Variants in NFIB observed in about 807,000 individuals in gnomAD.
The protein encoded by NFIB is nuclear factor I B, also known as nuclear factor 1 B-type.
NFIB carries 11 observed loss-of-function variants against 61.5 expected under a neutral mutation model. The ratio of observed to expected loss-of-function variants is 0.18; its 90% CI spans 0.11 to 0.30. The LOEUF is 0.30. Ranked by LOEUF, NFIB falls within the 10% of genes least tolerant of loss-of-function variation. The probability of loss-of-function intolerance (pLI) is 1.00; values close to 1 mark genes in which losing one functional copy is unlikely to be tolerated. For missense variants in NFIB, 471 were observed against 608.9 expected, an observed-to-expected ratio of 0.77 and a Z score of 2.38; for synonymous variants, 260 against 216.5, an observed-to-expected ratio of 1.20 and a Z score of -1.76.
chr9:14,510,857 CT>C, the NFIB span, among the ~76,000 whole-genome samples: 1 of 151,992 alleles, frequency 6.6e-6, no homozygotes, highest in African/African-American at 2.4e-5. Context: ...ACTGCAATAC[CT>C]TTTTGAAAAG....
the NFIB span, among the ~76,000 whole-genome samples, chr9:14,456,100 C>T: frequency 1.3e-5 from 2 of 151,956 alleles, no homozygotes; most frequent in South Asian, 2.1e-4. Context: ...GTACTAGATT[C>T]GATCATAATA....
intron 2 of NFIB, among the ~76,000 whole-genome samples, chr9:14,296,189 T>C (rs1303301126): frequency 6.6e-6 from 1 of 152,254 alleles, no homozygotes; most frequent in East Asian, 1.9e-4. Context: ...TCCCTGGCAG[T>C]CTACATTATG....
chr9:14,323,106 C>T (rs992773003), intron 1 of NFIB, among the ~76,000 whole-genome samples: 3 of 152,234 alleles, frequency 2.0e-5, no homozygotes, highest in African/African-American at 4.8e-5. Flanking sequence ...TAGGAGGACT[C>T]CCGAAATGTT....
At chr9:14,371,967 G>C (rs1016253886) in intron 1 of NFIB, among the ~76,000 whole-genome samples, 1 of 152,128 alleles carries the variant, frequency 6.6e-6, no homozygotes, top group Non-Finnish European at 1.5e-5. Context: ...GCTCCAATTG[G>C]TCATGGGGAG....
chr9:14,298,285 T>C (rs1469483350), intron 2 of NFIB, among the ~76,000 whole-genome samples: 1 of 152,204 alleles, frequency 6.6e-6, no homozygotes, highest in Non-Finnish European at 1.5e-5. Context: ...TGTTTTCACA[T>C]CGGTAACCAA....
intron 1 of NFIB, among the ~76,000 whole-genome samples, chr9:14,385,498 C>T (rs1357233116): frequency 1.3e-5 from 2 of 152,138 alleles, no homozygotes; most frequent in African/African-American, 2.4e-5. Flanking sequence ...TTTTCTTATA[C>T]ATCTAAACAT....
At chr9:14,260,952 A>G (rs1412009677) in intron 2 of NFIB, among the ~76,000 whole-genome samples, 1 of 151,538 alleles carries the variant, frequency 6.6e-6, no homozygotes, top group Non-Finnish European at 1.5e-5. Context: ...AATAGCAAGA[A>G]ACCTGTAGGT....
intron 2 of NFIB, among the ~76,000 whole-genome samples, chr9:14,236,112 A>G (rs1046546843): frequency 4.6e-5 from 7 of 152,174 alleles, no homozygotes; most frequent in Non-Finnish European, 1.0e-4. Context: ...CCATTCCTAC[A>G]ACAAAGCCCC....
At chr9:14,445,795 T>C in the NFIB span, among the ~76,000 whole-genome samples, 132 of 152,206 alleles carry the variant, frequency 8.7e-4, no homozygotes, top group Non-Finnish European at 1.6e-3. Context: ...TTGTTTTATA[T>C]ACCCAATACT....
upstream of NFIB, chr9:14,399,010 C>A (rs554540143): frequency 1.9e-4 from 42 of 225,978 alleles, no homozygotes; most frequent in African/African-American, 8.9e-4. Context: ...CAGATGACTA[C>A]TGAGTACTTG....
chr9:14,133,071 G>A (rs2040590586), intron 6 of NFIB, among the ~76,000 whole-genome samples: 1 of 151,878 alleles, frequency 6.6e-6, no homozygotes, highest in Admixed American at 6.6e-5. Context: ...CCAATGGCTG[G>A]GATTTGACAA....
chr9:14,319,156 A>G (rs533922319), intron 1 of NFIB, among the ~76,000 whole-genome samples: 1 of 152,140 alleles, frequency 6.6e-6, no homozygotes, highest in South Asian at 2.1e-4. Context: ...GCTGTTAATA[A>G]TGTCACTGCC....
chr9:14,366,352 G>A lies in NFIB; in HGVS notation c.108+32172C>T, dbSNP rs192825977. Among the ~76,000 whole-genome samples, 393 of 152,216 alleles carry A rather than the reference G, an allele frequency of 2.6e-3. 3 individuals carry two copies. The highest frequency in any genetic ancestry group is 2.9e-3 in the Non-Finnish European group (197 of 68,016). ...GTCTTCTCCGGGTGGTTATTTTTGCGCCTATGAAGTCAATAAAACTCTCCA... is the reference window on the plus strand; with the variant it reads ...GTCTTCTCCGGGTGGTTATTTTTGCACCTATGAAGTCAATAAAACTCTCCA... On this transcript the variant is annotated intron_variant, in intron 1 of 8. Transcript: ENST00000380934.
chr9:14,231,607 C>G (rs1256355600), intron 2 of NFIB, among the ~76,000 whole-genome samples: 2 of 152,100 alleles, frequency 1.3e-5, no homozygotes, highest in African/African-American at 4.8e-5. Context: ...ACAGTTCGTT[C>G]TTTTTGAAGG....
the NFIB span, among the ~76,000 whole-genome samples, chr9:14,494,100 G>A: frequency 6.6e-6 from 1 of 152,188 alleles, no homozygotes; most frequent in African/African-American, 2.4e-5. Flanking sequence ...TATTTTAAGA[G>A]TTCCTGGTGG....
At chr9:14,450,311 A>G in the NFIB span, among the ~76,000 whole-genome samples, 1 of 152,114 alleles carries the variant, frequency 6.6e-6, no homozygotes, top group African/African-American at 2.4e-5. Context: ...AAACATCTAT[A>G]CCCACTCAAC....
chr9:14,178,455 T>TA (rs1487681293), intron 3 of NFIB, among the ~76,000 whole-genome samples: 3 of 152,142 alleles, frequency 2.0e-5, no homozygotes, highest in African/African-American at 7.2e-5. Flanking sequence ...CAATGTACAG[T>TA]AATATTTAAA....
intron 2 of NFIB, among the ~76,000 whole-genome samples, chr9:14,208,106 A>G (rs1033331725): frequency 1.3e-5 from 2 of 152,176 alleles, no homozygotes; most frequent in Non-Finnish European, 2.9e-5. Context: ...TATACCCCAA[A>G]AGTCATTTTA....
chr9:14,455,717 C>A, the NFIB span, among the ~76,000 whole-genome samples: 1 of 152,060 alleles, frequency 6.6e-6, no homozygotes, highest in Non-Finnish European at 1.5e-5. Flanking sequence ...CTCAGGGAAG[C>A]TATACATTCA....
Sources: gnomAD v4.1 joint callset for allele counts (sites outside exome capture counted in the v4.1 genomes callset) on GRCh38, gnomAD v4.1.1 for gene constraint, MANE v1.5 for transcripts, NCBI Gene and HGNC (gene_info 2026-07-23, HGNC 2026-07-21) for gene names.